ADAMTSL3: variants seen among roughly 807,000 people sequenced by gnomAD.
The protein encoded by ADAMTSL3 is ADAMTS like 3.
A neutral mutation model predicts 201.7 loss-of-function variants in ADAMTSL3; 128 were observed. The ratio of observed to expected loss-of-function variants is 0.63; its 90% CI spans 0.55 to 0.73. The LOEUF is 0.73. Ranked by LOEUF, ADAMTSL3 falls within the 30% of genes least tolerant of loss-of-function variation. The pLI is 0.00. For synonymous variants in ADAMTSL3, 738 were observed against 748.4 expected (o/e 0.99, Z 0.23); for missense variants, 1,990 against 2,119.6 (o/e 0.94, Z 1.20).
intron 23 of ADAMTSL3, among the ~76,000 whole-genome samples, chr15:84,005,517 G>A (rs767935631): frequency 2.6e-5 from 4 of 152,088 alleles, no homozygotes; most frequent in African/African-American, 4.8e-5. Flanking sequence ...GAAGGTTTTT[G>A]GTTTTGATAT....
In ADAMTSL3 at chr15:84,025,378, C is replaced by G. The variant is rs1437422587; in HGVS notation, c.4598C>G (p.Pro1533Arg). 2.5e-6 allele frequency: 4 copies of G among 1,614,008 alleles called. No individual in the cohort carries two copies. Among genetic ancestry groups the G allele is most frequent in the Non-Finnish European group, 3.4e-6 (4 of 1,180,022 alleles). The part of the protein sequence containing the change: ...SPRACAPKDR[P>R]LGRKPCFGHP... ...AGAGCATGTGCCCCTAAAGACCGGC[C>G]TCTGGGAAGAAAACCATGTTTTGGT... The change falls in exon 27 of 30, where the codon CCT (proline) becomes CGT (arginine). Residue 1533 changes from proline (P) to arginine (R), a missense_variant. Pro to Arg is a moderately radical substitution (Grantham distance 103). Transcript: ENST00000286744.
intron 25 of ADAMTSL3, among the ~76,000 whole-genome samples, chr15:84,020,796 G>A (rs952323915): frequency 2.0e-5 from 3 of 152,218 alleles, no homozygotes; most frequent in Non-Finnish European, 2.9e-5. Flanking sequence ...ATTACTGGAG[G>A]TGGTCGGCTT....
chr15:83,823,182 C>A (rs922050781), intron 6 of ADAMTSL3, among the ~76,000 whole-genome samples: 1 of 53,950 alleles, frequency 1.9e-5, no homozygotes, highest in Non-Finnish European at 3.4e-5. Flanking sequence ...AGAGGGAGAC[C>A]GTGGGGAGAG....
intron 3 of ADAMTSL3, among the ~76,000 whole-genome samples, chr15:83,762,293 T>C (rs1474160653): frequency 6.6e-6 from 1 of 152,172 alleles, no homozygotes; most frequent in Non-Finnish European, 1.5e-5. Context: ...GAGTAGAGTT[T>C]AGACACTGGG....
intron 5 of ADAMTSL3, among the ~76,000 whole-genome samples, chr15:83,814,212 T>C (rs1303670038): frequency 1.3e-5 from 2 of 152,092 alleles, no homozygotes; most frequent in Non-Finnish European, 2.9e-5. Context: ...TTGAAGGTGT[T>C]CTTTTCTTTT....
chr15:83,804,261 C>T (rs2141862889), intron 4 of ADAMTSL3, among the ~76,000 whole-genome samples: 1 of 152,304 alleles, frequency 6.6e-6, no homozygotes, highest in South Asian at 2.1e-4. Context: ...GAGAAATGTC[C>T]TAGTGGAGAC....
At chr15:83,769,507 A>G (rs1417171396) in intron 3 of ADAMTSL3, among the ~76,000 whole-genome samples, 1 of 152,224 alleles carries the variant, frequency 6.6e-6, no homozygotes, top group Admixed American at 6.5e-5. Context: ...TTAGAACAGT[A>G]AATAGTATGG....
chr15:84,025,579 C>A, intron 27 of ADAMTSL3, 143 bp downstream of exon 27: 1 of 774,798 alleles, frequency 1.3e-6, no homozygotes, highest in Non-Finnish European at 2.0e-6. Flanking sequence ...ATGTCTTTGA[C>A]CTCAAGGTTT....
intron 20 of ADAMTSL3, among the ~76,000 whole-genome samples, chr15:83,978,229 G>C (rs762963678): frequency 1.3e-5 from 2 of 152,216 alleles, no homozygotes; most frequent in Non-Finnish European, 2.9e-5. Flanking sequence ...GCAGGACCCA[G>C]TAAGCAAGGA....
chr15:83,656,980 C>T (rs1004800903), intron 2 of ADAMTSL3, among the ~76,000 whole-genome samples: 2 of 152,226 alleles, frequency 1.3e-5, no homozygotes, highest in Admixed American at 1.3e-4. Context: ...CAGCAAGGTA[C>T]ATCTTCTCCC....
rs2061609594 is a variant in ADAMTSL3, at chr15:83,691,618, G to GT, written c.70-12768dup. On this transcript the variant is annotated intron_variant, in intron 2 of 29. Coordinates refer to ENST00000286744, the MANE Select transcript of ADAMTSL3 (RefSeq NM_207517.3). ...AACCAAGTTACATTTTCTTTTCTTC[G>GT]TTTATTTATTTATTTTGAGATGGAG... 2.6e-5 allele frequency among the ~76,000 whole-genome samples: 4 copies of GT among 152,148 alleles called. No homozygotes were observed. In the South Asian group the frequency reaches 8.3e-4, roughly 32 times the overall value.
At chr15:84,014,160 C>G (rs2068049027) in intron 23 of ADAMTSL3, among the ~76,000 whole-genome samples, 1 of 152,162 alleles carries the variant, frequency 6.6e-6, no homozygotes, top group Non-Finnish European at 1.5e-5. Flanking sequence ...CAACCTACCC[C>G]CTGGGAGTTT....
intron 23 of ADAMTSL3, among the ~76,000 whole-genome samples, chr15:83,997,264 G>C (rs1053049355): frequency 6.6e-6 from 1 of 152,188 alleles, no homozygotes; most frequent in African/African-American, 2.4e-5. Context: ...TAGAACTTTA[G>C]CTCTAGCTGT....
intron 23 of ADAMTSL3, among the ~76,000 whole-genome samples, chr15:84,009,611 C>G (rs1456080542): frequency 6.6e-6 from 1 of 152,184 alleles, no homozygotes; most frequent in Non-Finnish European, 1.5e-5. Flanking sequence ...ACGAAAATAT[C>G]TGTGACTTCC....
At chr15:83,908,357 GAC>G (rs1243167340) in intron 15 of ADAMTSL3, among the ~76,000 whole-genome samples, 2 of 152,188 alleles carry the variant, frequency 1.3e-5, no homozygotes, top group Non-Finnish European at 2.9e-5. Context: ...AAGCACTGAA[GAC>G]AGTGTCTCAC....
At chr15:83,927,043 C>A (rs1370859464) in intron 17 of ADAMTSL3, among the ~76,000 whole-genome samples, 1 of 152,178 alleles carries the variant, frequency 6.6e-6, no homozygotes, top group African/African-American at 2.4e-5. Context: ...CTTTCCCAAC[C>A]ATGGCCCCCA....
At chr15:83,746,056 G>T (rs1173500882) in intron 3 of ADAMTSL3, among the ~76,000 whole-genome samples, 4 of 152,080 alleles carry the variant, frequency 2.6e-5, no homozygotes, top group Non-Finnish European at 5.9e-5. Context: ...CAAAATCCAG[G>T]CTCCTTTCCC....
chr15:83,770,581 CT>C (rs1454019290), intron 3 of ADAMTSL3, among the ~76,000 whole-genome samples: 1 of 152,088 alleles, frequency 6.6e-6, no homozygotes, highest in Admixed American at 6.6e-5. Context: ...AGTCTTTTCC[CT>C]TATAATTTCT....
intron 3 of ADAMTSL3, among the ~76,000 whole-genome samples, chr15:83,723,021 C>T (rs986963766): frequency 1.3e-5 from 2 of 151,796 alleles, no homozygotes; most frequent in Middle Eastern, 3.5e-3. Flanking sequence ...GAATACTTGT[C>T]GAAAAACATT....
Sources: gnomAD v4.1 joint callset for allele counts (sites outside exome capture counted in the v4.1 genomes callset) on GRCh38, gnomAD v4.1.1 for gene constraint, MANE v1.5 for transcripts, NCBI Gene and HGNC (gene_info 2026-07-23, HGNC 2026-07-21) for gene names.